ATP2C2: variants seen among roughly 807,000 people sequenced by gnomAD.
The protein encoded by ATP2C2 is calcium-transporting ATPase type 2C member 2.
A neutral mutation model predicts 110.8 loss-of-function variants in ATP2C2; 171 were observed. The observed-to-expected ratio is 1.54, with a 90% CI of 1.36 to 1.75. ATP2C2 has a LOEUF of 1.75. Ranked by LOEUF, ATP2C2 falls within the 40% of genes most tolerant of loss-of-function variation. ATP2C2 has a pLI of 0.00. For missense variants in ATP2C2, 1,963 were observed against 1,235.0 expected (o/e 1.59, Z -8.84); for synonymous variants, 804 against 508.4 (o/e 1.58, Z -7.82).
intron 6 of ATP2C2, among the ~76,000 whole-genome samples, chr16:84,411,364 C>T (rs946656312): frequency 1.3e-5 from 2 of 152,214 alleles, no homozygotes; most frequent in Non-Finnish European, 1.5e-5. Context: ...TTCTGCTTAG[C>T]GTAGCCCTGT....
At chr16:84,402,188 C>T (rs916999438) in intron 2 of ATP2C2, among the ~76,000 whole-genome samples, 22 of 152,136 alleles carry the variant, frequency 1.4e-4, no homozygotes, top group African/African-American at 5.3e-4. Context: ...TCTAACTTTA[C>T]TGATTTTGTT....
chr16:84,416,770 C>T (rs931163588), intron 7 of ATP2C2, among the ~76,000 whole-genome samples: 5 of 152,182 alleles, frequency 3.3e-5, no homozygotes, highest in Non-Finnish European at 7.3e-5. Flanking sequence ...CGCCTCTCCC[C>T]GTGTTCAGCT....
At chr16:84,411,125 C>G (rs1906247226) in intron 6 of ATP2C2, among the ~76,000 whole-genome samples, 1 of 152,096 alleles carries the variant, frequency 6.6e-6, no homozygotes, top group Non-Finnish European at 1.5e-5. Context: ...TATTTGAATT[C>G]TCAATGAATG....
chr16:84,428,227 G>T (rs77042083), intron 11 of ATP2C2, among the ~76,000 whole-genome samples: 1 of 152,348 alleles, frequency 6.6e-6, no homozygotes, highest in East Asian at 1.9e-4. Flanking sequence ...ATGGTATCAG[G>T]TACCTAGTAT....
chr16:84,397,150 T>C (rs1445480267), intron 1 of ATP2C2, among the ~76,000 whole-genome samples: 1 of 151,824 alleles, frequency 6.6e-6, no homozygotes, highest in Non-Finnish European at 1.5e-5. Flanking sequence ...CTCACACTTT[T>C]CCGCTTCTGA....
chr16:84,412,398 GTGTC>G (rs1221842276), intron 6 of ATP2C2, among the ~76,000 whole-genome samples: 11 of 142,960 alleles, frequency 7.7e-5, no homozygotes, highest in East Asian at 4.0e-4. Flanking sequence ...GTGTCTGTGT[GTGTC>G]TGTGCATGTG....
At chr16:84,391,961 C>T (rs1164581746) in intron 1 of ATP2C2, among the ~76,000 whole-genome samples, 21 of 148,952 alleles carry the variant, frequency 1.4e-4, no homozygotes, top group Admixed American at 1.3e-3. Context: ...GACGATTGTT[C>T]TGCAAAAGGT....
At chr16:84,454,765 C>T (rs1910630477) in intron 20 of ATP2C2, 53 bp from the exon 21 acceptor site, 7 of 1,514,278 alleles carry the variant, frequency 4.6e-6, no homozygotes, top group Non-Finnish European at 6.2e-6. Flanking sequence ...CATGGCCGGG[C>T]ACTGGGAGGT....
chr16:84,448,394 A>G, intron 16 of ATP2C2, 139 bp from the exon 17 acceptor site: 1 of 1,102,302 alleles, frequency 9.1e-7, no homozygotes, highest in Non-Finnish European at 1.3e-6. Flanking sequence ...GCACCTGTGA[A>G]CAGCACCAGC....
chr16:84,405,532 C>G (rs1044402443), intron 3 of ATP2C2, among the ~76,000 whole-genome samples: 1 of 152,200 alleles, frequency 6.6e-6, no homozygotes, highest in Non-Finnish European at 1.5e-5. Flanking sequence ...CTCCTAATCC[C>G]GCCTTTGCAC....
chr16:84,448,009 G>A (rs1360205566), intron 16 of ATP2C2, among the ~76,000 whole-genome samples: 4 of 151,836 alleles, frequency 2.6e-5, no homozygotes, highest in African/African-American at 9.7e-5. Flanking sequence ...ACTGACCCAG[G>A]GCCTCCCCCC....
Position 84,461,989 on chromosome 16 carries a change from C to A in ATP2C2, c.2582C>A (p.Thr861Asn). 1 of 1,613,324 alleles carries A rather than the reference C, an allele frequency of 6.2e-7. No individual in the cohort carries two copies. The highest frequency in any genetic ancestry group is 8.5e-7 in the Non-Finnish European group (1 of 1,179,416). Residue 861 changes from threonine to asparagine, a missense_variant and splice_region_variant, in exon 26 of 27, where the codon ACC (threonine) becomes AAC (asparagine). Thr to Asn is a moderately conservative substitution (Grantham distance 65, BLOSUM62 0). Coordinates refer to ENST00000262429, the MANE Select transcript of ATP2C2 (RefSeq NM_014861.4). The stretch of plus-strand genomic sequence containing the variant: ...CCCCGTGTGACCTTCTCCCTGCAGA[C>A]CAAGCTGATATTTGAGATCGGCTTT... ...LFNALTCRSQ[T>N]KLIFEIGFLR...
chr16:84,418,981 G>C (rs927451496), intron 7 of ATP2C2, among the ~76,000 whole-genome samples: 6 of 152,138 alleles, frequency 3.9e-5, no homozygotes, highest in South Asian at 2.1e-4. Context: ...GGCTGAGGTG[G>C]GTGGATCACC....
At chr16:84,384,708 G>A (rs768786888) in intron 1 of ATP2C2, among the ~76,000 whole-genome samples, 1 of 152,142 alleles carries the variant, frequency 6.6e-6, no homozygotes, top group African/African-American at 2.4e-5. Flanking sequence ...TTGCTGAATG[G>A]TGATTTTCTA....
In ATP2C2 at chr16:84,410,750, C is replaced by T; in HGVS notation, c.500C>T (p.Pro167Leu). Residue 167 changes from proline (P) to leucine (L), a missense_variant, in exon 6 of 27, where the codon CCT (proline) becomes CTT (leucine). Pro to Leu is a moderately conservative substitution (Grantham distance 98). Transcript: ENST00000262429. Reference protein sequence around the residue: ...KSLEELTKLVPPECNCLREGK... With the variant: ...KSLEELTKLVLPECNCLREGK... ...CTGGAAGAGCTGACCAAGCTGGTTCCTCCAGAATGTAACTGGTAAGTCAGA... is the reference window on the plus strand; with the variant it reads ...CTGGAAGAGCTGACCAAGCTGGTTCTTCCAGAATGTAACTGGTAAGTCAGA... The T allele has an allele frequency of 1.9e-6, 3 of 1,614,142 alleles. No individual in the cohort carries two copies. The highest frequency in any genetic ancestry group is 1.7e-4 in the Middle Eastern group (1 of 6,058).
chr16:84,424,841 T>G (rs1907669518), intron 10 of ATP2C2, among the ~76,000 whole-genome samples: 1 of 152,142 alleles, frequency 6.6e-6, no homozygotes. Flanking sequence ...TCTTGTGAGC[T>G]CCTGTGAGGA....
At chr16:84,421,003 A>G (rs1440537565) in intron 7 of ATP2C2, among the ~76,000 whole-genome samples, 2 of 152,024 alleles carry the variant, frequency 1.3e-5, no homozygotes, top group African/African-American at 4.8e-5. Flanking sequence ...ACAGGGTTTC[A>G]CTGTGTTGGC....
At position 84,396,997 on chromosome 16, in the gene ATP2C2, A is replaced by G. The variant is rs907571697; in HGVS notation, c.100-1502A>G. 2.6e-5 allele frequency among the ~76,000 whole-genome samples: 4 copies of G among 151,794 alleles called. 1 individual carries two copies. The highest frequency in any genetic ancestry group is 9.7e-5 in the African/African-American group (4 of 41,108). ...GTCAAGAAGGAAGAGTGGGATTTGC[A>G]ATCTCTATTACAGCTAAAGGAGGAA... On this transcript the variant is annotated intron_variant, in intron 1 of 26. Transcript: ENST00000262429.
intron 23 of ATP2C2, chr16:84,460,417 G>C: frequency 1.7e-6 from 1 of 601,070 alleles, no homozygotes; most frequent in Middle Eastern, 2.6e-4. Context: ...GCCTTACGGG[G>C]TGGTCTTCCT....
Sources: allele counts gnomAD v4.1 joint callset (sites outside exome capture counted in the v4.1 genomes callset), GRCh38; gene constraint gnomAD v4.1.1; transcripts MANE v1.5; gene names NCBI Gene and HGNC (gene_info 2026-07-23, HGNC 2026-07-21).